The following FBXL13 variants were observed in gnomAD, a reference collection of about 807,000 sequenced individuals.
The protein encoded by FBXL13 is F-box and leucine rich repeat protein 13.
FBXL13 carries 67 observed loss-of-function variants against 83.6 expected under a neutral mutation model. The observed-to-expected ratio is 0.80, with a 90% CI of 0.66 to 0.98. The LOEUF (loss-of-function observed/expected upper bound fraction) is 0.98, where lower values mean the gene tolerates loss of function less well. Among genes scored for constraint, FBXL13 ranks in the 50% least tolerant of loss-of-function variants. The pLI is 0.00. For synonymous variants in FBXL13, 272 were observed against 299.5 expected (o/e 0.91, Z 0.95); for missense variants, 822 against 866.5 (o/e 0.95, Z 0.64).
intron 10 of FBXL13, among the ~76,000 whole-genome samples, chr7:102,921,658 C>T (rs777477351): frequency 6.6e-6 from 1 of 151,574 alleles, no homozygotes; most frequent in Admixed American, 6.6e-5. Context: ...CCAGCCTGGG[C>T]GACAGAGCAA....
At chr7:102,915,604 C>T (rs1053500311) in intron 10 of FBXL13, among the ~76,000 whole-genome samples, 4 of 152,142 alleles carry the variant, frequency 2.6e-5, no homozygotes, top group African/African-American at 9.7e-5. Context: ...GTCACAGACA[C>T]CTTTGGCTTT....
Position 102,962,870 on chromosome 7 carries a change from A to G in FBXL13, c.724+663T>C, listed in dbSNP as rs558873897. 3.2e-3 allele frequency among the ~76,000 whole-genome samples: 487 copies of G among 151,872 alleles called. 4 individuals carry two copies. Among genetic ancestry groups the G allele is most frequent in the African/African-American group, 0.011 (467 of 41,402 alleles). Reference sequence around the variant, plus strand: ...AGGGGGAGGGATAGCATCGGGAGACATACCTAATGCTAGATGACGAGTTAG... The same window carrying G: ...AGGGGGAGGGATAGCATCGGGAGACGTACCTAATGCTAGATGACGAGTTAG... On this transcript the variant is annotated intron_variant, in intron 8 of 19. Coordinates refer to ENST00000313221, the Ensembl canonical transcript of FBXL13.
At chr7:102,934,686 G>A in intron 8 of FBXL13, 1 of 1,573,684 alleles carries the variant, frequency 6.4e-7, no homozygotes, top group Non-Finnish European at 8.6e-7. Context: ...AAAAGGAAAG[G>A]TTTGTACTTT....
At chr7:103,054,521 G>A (rs1324810131) in intron 2 of FBXL13, among the ~76,000 whole-genome samples, 1 of 151,878 alleles carries the variant, frequency 6.6e-6, no homozygotes, top group African/African-American at 2.4e-5. Context: ...TTGTTCTAAA[G>A]TCTTCATGTC....
chr7:102,952,194 G>A lies in FBXL13; in HGVS notation c.724+11339C>T, dbSNP rs139619511. Among the ~76,000 whole-genome samples the A allele has an allele frequency of 2.0e-5, 3 of 152,236 alleles. No homozygotes were observed. In the East Asian group the frequency reaches 5.8e-4, roughly 29 times the overall value. On this transcript the variant is annotated intron_variant, in intron 8 of 19. Transcript: ENST00000313221. ...AATGGTGGTTGCCAGGACCTAGGAGGAGGGCAAAAAGCGGATTTAGTACTT... is the reference window on the plus strand; with the variant it reads ...AATGGTGGTTGCCAGGACCTAGGAGAAGGGCAAAAAGCGGATTTAGTACTT...
intron 1 of FBXL13, among the ~76,000 whole-genome samples, chr7:103,067,728 G>A (rs967706275): frequency 6.6e-6 from 1 of 152,226 alleles, no homozygotes; most frequent in Non-Finnish European, 1.5e-5. Flanking sequence ...ACATGTAAGT[G>A]CATGAGGGAT....
At chr7:102,961,260 T>C in intron 8 of FBXL13, among the ~76,000 whole-genome samples, 1 of 143,204 alleles carries the variant, frequency 7.0e-6, no homozygotes, top group African/African-American at 2.7e-5. Context: ...ATAAAATACC[T>C]AGGAATCCAA....
chr7:103,035,781 C>T (rs1038315207), intron 2 of FBXL13, among the ~76,000 whole-genome samples: 1 of 152,100 alleles, frequency 6.6e-6, no homozygotes, highest in Admixed American at 6.6e-5. Context: ...GCAGGCAATT[C>T]CCTTTTTTGC....
intron 1 of FBXL13, among the ~76,000 whole-genome samples, chr7:103,063,016 T>C (rs1203039674): frequency 2.6e-5 from 4 of 152,178 alleles, no homozygotes; most frequent in Non-Finnish European, 5.9e-5. Flanking sequence ...GCCTCATCTG[T>C]TCAAAAAATT....
At chr7:103,031,826 C>T (rs1794541430) in intron 2 of FBXL13, among the ~76,000 whole-genome samples, 1 of 152,164 alleles carries the variant, frequency 6.6e-6, no homozygotes, top group Non-Finnish European at 1.5e-5. Context: ...TTTAACACTA[C>T]TTTTTTAGGC....
chr7:102,846,748 G>GAAGCTTAAGAATTGTTCCT (rs61387388), intron 17 of FBXL13, among the ~76,000 whole-genome samples: 2,292 of 152,192 alleles, frequency 0.015, 59 homozygotes, highest in African/African-American at 0.053. Context: ...TTGTACTAAG[G>GAAGCTTAAGAATTGTTCCT]AAGCTTAATG....
intron 2 of FBXL13, among the ~76,000 whole-genome samples, chr7:103,044,466 G>A (rs576446255): frequency 6.6e-6 from 1 of 152,140 alleles, no homozygotes; most frequent in African/African-American, 2.4e-5. Flanking sequence ...TAAGACAGTG[G>A]CACTGTGTTT....
rs942688512 is a variant in FBXL13 at position 103,054,009 on chromosome 7, A to G, written c.-1+1635T>C. Among the ~76,000 whole-genome samples the G allele has an allele frequency of 5.3e-5, 8 of 152,312 alleles. No homozygotes were observed. The Middle Eastern group carries it at 0.014, about 259-fold the overall frequency. On this transcript the variant is annotated intron_variant, in intron 2 of 19. Coordinates refer to ENST00000313221, the Ensembl canonical transcript of FBXL13. ...TTTTTGCCTCTCAGCCCCCACCTTGAACATGGCTTTGATTCCACTTTTCAA... is the reference window on the plus strand; with the variant it reads ...TTTTTGCCTCTCAGCCCCCACCTTGGACATGGCTTTGATTCCACTTTTCAA...
intron 6 of FBXL13, among the ~76,000 whole-genome samples, chr7:102,984,299 G>A (rs1223215405): frequency 6.6e-6 from 1 of 152,112 alleles, no homozygotes; most frequent in African/African-American, 2.4e-5. Context: ...ATCTGTATTA[G>A]TCTGGGTTCT....
At chr7:102,991,981 TTC>T (rs1191388681) in intron 6 of FBXL13, among the ~76,000 whole-genome samples, 1 of 152,102 alleles carries the variant, frequency 6.6e-6, no homozygotes, top group Non-Finnish European at 1.5e-5. Context: ...TCCTCACTCA[TTC>T]TTTCACTCCA....
chr7:102,976,445 G>A (rs925962107), intron 6 of FBXL13, among the ~76,000 whole-genome samples: 1 of 151,984 alleles, frequency 6.6e-6, no homozygotes, highest in Non-Finnish European at 1.5e-5. Flanking sequence ...TCCGCTCCAA[G>A]GCATCCTTTC....
At chr7:102,932,990 A>G (rs1458387040) in intron 8 of FBXL13, 1 of 152,246 alleles carries the variant, frequency 6.6e-6, no homozygotes, top group Non-Finnish European at 1.5e-5. Context: ...TCCCTTAAGG[A>G]GTTTACTTTC....
At chr7:102,837,157 A>G (rs557708600) in intron 17 of FBXL13, among the ~76,000 whole-genome samples, 3 of 152,356 alleles carry the variant, frequency 2.0e-5, no homozygotes, top group African/African-American at 7.2e-5. Context: ...ACACTCCACC[A>G]ACAATGGCCT....
intron 5 of FBXL13, among the ~76,000 whole-genome samples, chr7:103,025,763 T>C (rs974305598): frequency 1.3e-5 from 2 of 151,988 alleles, no homozygotes; most frequent in Admixed American, 1.3e-4. Flanking sequence ...AATATATATA[T>C]GTGTATGTGT....
Sources: allele counts gnomAD v4.1 joint callset (sites outside exome capture counted in the v4.1 genomes callset), GRCh38; gene constraint gnomAD v4.1.1; transcripts MANE v1.5; gene names NCBI Gene and HGNC (gene_info 2026-07-23, HGNC 2026-07-21).